The following STK39 variants were observed in gnomAD, a reference collection of about 807,000 sequenced individuals.
STK39 encodes serine/threonine kinase 39.
STK39 carries 20 observed loss-of-function variants against 77.8 expected under a neutral mutation model. That is an observed-to-expected ratio of 0.26 (90% CI 0.18 to 0.37). The LOEUF (loss-of-function observed/expected upper bound fraction) is 0.37. Among genes scored for constraint, STK39 ranks in the 10% least tolerant of loss-of-function variants. The pLI, the probability that STK39 is intolerant of heterozygous loss-of-function variation, is 1.00. For synonymous variants in STK39, 246 were observed against 234.1 expected, an observed-to-expected ratio of 1.05 and a Z score of -0.47; for missense variants, 479 against 656.5, an observed-to-expected ratio of 0.73 and a Z score of 2.95.
intron 16 of STK39, among the ~76,000 whole-genome samples, chr2:167,995,210 A>T (rs1425545427): frequency 6.6e-6 from 1 of 151,898 alleles, no homozygotes; most frequent in Non-Finnish European, 1.5e-5. Flanking sequence ...CCCGGGTTCA[A>T]GCGATTCTCC....
chr2:168,148,541 GA>G (rs1688200522), intron 5 of STK39, among the ~76,000 whole-genome samples: 1 of 152,240 alleles, frequency 6.6e-6, no homozygotes, highest in South Asian at 2.1e-4. Flanking sequence ...AAGAAGAGCA[GA>G]AAGCTCAGCA....
At chr2:168,083,821 C>T (rs1410597111) in intron 10 of STK39, among the ~76,000 whole-genome samples, 2 of 151,722 alleles carry the variant, frequency 1.3e-5, no homozygotes, top group Non-Finnish European at 2.9e-5. Flanking sequence ...CTATAGGAGG[C>T]AAGCAGAAAA....
At chr2:168,158,896 T>C (rs1688501367) in intron 5 of STK39, among the ~76,000 whole-genome samples, 1 of 152,230 alleles carries the variant, frequency 6.6e-6, no homozygotes, top group Non-Finnish European at 1.5e-5. Flanking sequence ...CCAGAGAATT[T>C]GGACTGTGTT....
At chr2:168,048,504 G>A (rs1203668024) in intron 14 of STK39, among the ~76,000 whole-genome samples, 11 of 39,002 alleles carry the variant, frequency 2.8e-4, no homozygotes, top group Non-Finnish European at 8.3e-4. Flanking sequence ...GAGCCACCGC[G>A]CCCGGCCCGG....
rs185046645 is a variant in STK39 at position 168,164,507 on chromosome 2, A to G, written c.431-627T>C. Reference sequence around the variant, plus strand: ...CTGCAGCCTCAACTTCCCAGGCTCAAGCGATCCTCCCACCTCAGCCTCCCA... The same window carrying G: ...CTGCAGCCTCAACTTCCCAGGCTCAGGCGATCCTCCCACCTCAGCCTCCCA... On this transcript the variant is annotated intron_variant, in intron 3 of 17. Transcript: ENST00000355999. Among the ~76,000 whole-genome samples, 27 of 152,268 alleles carry G rather than the reference A, an allele frequency of 1.8e-4. No homozygotes were observed. The East Asian group carries it at 3.3e-3, about 19-fold the overall frequency.
chr2:168,068,993 T>C lies in STK39; in HGVS notation c.1243-3612A>G, dbSNP rs1685869522. Among the ~76,000 whole-genome samples, 3 of 152,228 alleles carry C rather than the reference T, an allele frequency of 2.0e-5. No individual in the cohort carries two copies. The South Asian group carries it at 6.2e-4, about 32-fold the overall frequency. ...GTGCAGTGGCATGATCTCAGCTCAC[T>C]GCAACCTCCGCCTCCTGGGTTCAAG... On this transcript the variant is annotated intron_variant, in intron 12 of 17. Transcript: ENST00000355999.
At chr2:168,245,754 T>C (rs1690881390) in intron 1 of STK39, among the ~76,000 whole-genome samples, 1 of 152,156 alleles carries the variant, frequency 6.6e-6, no homozygotes, top group African/African-American at 2.4e-5. Flanking sequence ...GAGGTTTCCA[T>C]GGAATATTCC....
intron 17 of STK39, among the ~76,000 whole-genome samples, chr2:167,958,193 T>C (rs1432349203): frequency 6.6e-6 from 1 of 152,248 alleles, no homozygotes; most frequent in Non-Finnish European, 1.5e-5. Context: ...CTCCAAAAAG[T>C]GTCTGCTTAT....
intron 12 of STK39, among the ~76,000 whole-genome samples, chr2:168,074,679 A>G (rs748464910): frequency 1.5e-4 from 23 of 152,252 alleles, no homozygotes; most frequent in Non-Finnish European, 2.9e-4. Context: ...CTAGTCTGTG[A>G]CAAGGATTCC....
In STK39 at chr2:168,189,420, A is replaced by G. The variant is rs897043518; in HGVS notation, c.209-7330T>C. Reference sequence around the variant, plus strand: ...CATCTCAAGCAACAACTAAAAAAAAAAAACCAAAAAACCCTACAGTGAGTA... The same window carrying G: ...CATCTCAAGCAACAACTAAAAAAAAGAAACCAAAAAACCCTACAGTGAGTA... On this transcript the variant is annotated intron_variant, in intron 1 of 17. Transcript: ENST00000355999. 1.1e-4 allele frequency among the ~76,000 whole-genome samples: 17 copies of G among 152,186 alleles called. No homozygotes were observed. In the South Asian group the frequency reaches 3.5e-3, roughly 32 times the overall value.
rs200256749 is a variant in STK39, at chr2:168,246,732, CGA to C, written c.208+494_208+495del. Among the ~76,000 whole-genome samples the C allele has an allele frequency of 5.3e-3, 810 of 152,286 alleles. 3 individuals carry two copies. Among genetic ancestry groups the C allele is most frequent in the Middle Eastern group, 0.017 (5 of 292 alleles). On this transcript the variant is annotated intron_variant, in intron 1 of 17. Coordinates refer to ENST00000355999, the MANE Select transcript of STK39 (RefSeq NM_013233.3). The stretch of plus-strand genomic sequence containing the variant: ...TTCTACGTGGCCCCGTTACCCACGA[CGA>C]GAGGGTCACGACGGGAGGCAGAGGA...
chr2:167,966,402 C>T (rs1387215051), intron 16 of STK39, among the ~76,000 whole-genome samples: 4 of 152,162 alleles, frequency 2.6e-5, no homozygotes, highest in Admixed American at 2.6e-4. Flanking sequence ...TTTCTTAAAA[C>T]ATAAAAGTGT....
chr2:168,004,601 T>C (rs886419253), intron 16 of STK39, among the ~76,000 whole-genome samples: 7 of 151,460 alleles, frequency 4.6e-5, no homozygotes, highest in Admixed American at 6.6e-5. Flanking sequence ...GACATGGTGG[T>C]GGGTGCCTGT....
intron 16 of STK39, among the ~76,000 whole-genome samples, chr2:167,992,045 TG>T (rs1240855331): frequency 6.6e-6 from 1 of 152,216 alleles, no homozygotes; most frequent in Admixed American, 6.5e-5. Context: ...TGACGTGCTC[TG>T]TTTGTAGGAA....
At chr2:168,218,669 GAACA>G (rs1204945676) in intron 1 of STK39, among the ~76,000 whole-genome samples, 1 of 152,094 alleles carries the variant, frequency 6.6e-6, no homozygotes, top group Non-Finnish European at 1.5e-5. Flanking sequence ...CAGCCATAGA[GAACA>G]AACAGAAGAA....
At chr2:167,976,516 G>A (rs556653963) in intron 16 of STK39, among the ~76,000 whole-genome samples, 1 of 152,114 alleles carries the variant, frequency 6.6e-6, no homozygotes, top group Non-Finnish European at 1.5e-5. Context: ...CCTGAATTCT[G>A]GTAAGGTGCA....
chr2:168,171,619 AG>A (rs1688827064), intron 2 of STK39, among the ~76,000 whole-genome samples: 1 of 151,758 alleles, frequency 6.6e-6, no homozygotes, highest in African/African-American at 2.4e-5. Context: ...CCTGAGTAGC[AG>A]GGGGGATGAG....
In STK39 at chr2:168,232,075, C is replaced by T. The variant is rs1690470074; in HGVS notation, c.208+15153G>A. ...GAGACTCCAGGACCTCCAGAGACCACACAGTGCCCCTGGTAAGATCCACAG... is the reference window on the plus strand; with the variant it reads ...GAGACTCCAGGACCTCCAGAGACCATACAGTGCCCCTGGTAAGATCCACAG... On this transcript the variant is annotated intron_variant, in intron 1 of 17. Coordinates refer to ENST00000355999, the MANE Select transcript of STK39 (RefSeq NM_013233.3). 3 of 253,044 alleles carry T rather than the reference C, an allele frequency of 1.2e-5. No individual in the cohort carries two copies. In the Admixed American group the frequency reaches 1.2e-4, roughly 10 times the overall value. The allele number at this position is 253,044 out of a possible 1,614,324, so 15.7% of individuals were successfully genotyped here.
chr2:168,198,760 G>T (rs2105668636), intron 1 of STK39, among the ~76,000 whole-genome samples: 1 of 152,314 alleles, frequency 6.6e-6, no homozygotes, highest in Middle Eastern at 3.4e-3. Context: ...AGTGCTATTG[G>T]CAAGAGTTCA....
Sources: gnomAD v4.1 joint callset for allele counts (sites outside exome capture counted in the v4.1 genomes callset) on GRCh38, gnomAD v4.1.1 for gene constraint, MANE v1.5 for transcripts, NCBI Gene and HGNC (gene_info 2026-07-23, HGNC 2026-07-21) for gene names.